The following IFT81 variants were observed in gnomAD, a reference collection of about 807,000 sequenced individuals.
The protein encoded by IFT81 is intraflagellar transport 81.
IFT81 carries 72 observed loss-of-function variants against 102.6 expected under a neutral mutation model. The observed-to-expected ratio is 0.70, with a 90% CI of 0.58 to 0.85. The LOEUF is 0.85. Ranked by LOEUF, IFT81 falls within the 40% of genes least tolerant of loss-of-function variation. IFT81 has a pLI of 0.00. For missense variants in IFT81, 723 were observed against 787.3 expected, an observed-to-expected ratio of 0.92 and a Z score of 0.98; for synonymous variants, 237 against 242.7, an observed-to-expected ratio of 0.98 and a Z score of 0.22.
chr12:110,179,450 G>T (rs573959541), intron 11 of IFT81, among the ~76,000 whole-genome samples: 21 of 151,720 alleles, frequency 1.4e-4, no homozygotes, highest in African/African-American at 4.3e-4. Context: ...GGCCAGGCAC[G>T]GTGACTCATG....
intron 10 of IFT81, among the ~76,000 whole-genome samples, chr12:110,158,627 T>A (rs961390897): frequency 6.6e-6 from 1 of 152,062 alleles, no homozygotes. Flanking sequence ...TCTCGCTCTT[T>A]CGCCCAGGCC....
In IFT81 at chr12:110,163,214, A is replaced by G. The variant is rs372598713; in HGVS notation, c.1188+149A>G. On this transcript the variant is annotated intron_variant, in intron 11 of 18. Coordinates refer to ENST00000242591, the MANE Select transcript of IFT81 (RefSeq NM_014055.4). Reference sequence around the variant, plus strand: ...TTTAAAACTGAAGAGTCTTTTTGCAATAATACTGAGATTATTTTTTTCTTT... The same window carrying G: ...TTTAAAACTGAAGAGTCTTTTTGCAGTAATACTGAGATTATTTTTTTCTTT... The G allele has an allele frequency of 2.9e-4, 175 of 599,134 alleles. No individual in the cohort carries two copies. The African/African-American group carries it at 3.1e-3, about 11-fold the overall frequency. The allele number at this position is 599,134 out of a possible 1,614,324, so 37.1% of individuals were successfully genotyped here.
At position 110,155,414 on chromosome 12, in the gene IFT81, G is replaced by A. The variant is rs1017591638; in HGVS notation, c.1042-7505G>A. ...CAACCTCCACTTCCCTAGTTCAAGC[G>A]ATTCTCCTGCCTCAGCCTCCCGAGT... is the stretch of plus-strand genomic sequence containing the variant. On this transcript the variant is annotated intron_variant, in intron 10 of 18. Transcript: ENST00000242591. 5.9e-5 allele frequency among the ~76,000 whole-genome samples: 9 copies of A among 151,866 alleles called. 1 individual carries two copies. The highest frequency in any genetic ancestry group is 5.2e-4 in the Admixed American group (8 of 15,288).
At chr12:110,169,049 C>CTTCCTTCCTTCT (rs1313363425) in intron 11 of IFT81, 2 of 146,446 alleles carry the variant, frequency 1.4e-5, no homozygotes, top group African/African-American at 5.2e-5. Flanking sequence ...TCCTTCCTTC[C>CTTCCTTCCTTCT]TTCCTTCCTT....
chr12:110,192,269 T>A (rs1897831884), intron 13 of IFT81, among the ~76,000 whole-genome samples: 1 of 152,180 alleles, frequency 6.6e-6, no homozygotes, highest in Non-Finnish European at 1.5e-5. Context: ...ATTTTGAATA[T>A]CACTCCATCT....
chr12:110,148,132 T>C (rs1895326991), intron 10 of IFT81, among the ~76,000 whole-genome samples: 1 of 152,202 alleles, frequency 6.6e-6, no homozygotes, highest in Non-Finnish European at 1.5e-5. Context: ...GATTTATCTA[T>C]TTAGTGCTTT....
At chr12:110,184,645 A>G (rs1428668833) in intron 12 of IFT81, among the ~76,000 whole-genome samples, 2 of 152,230 alleles carry the variant, frequency 1.3e-5, no homozygotes, top group African/African-American at 4.8e-5. Context: ...AGGCTCTGAT[A>G]CAGGTCTGAC....
intron 11 of IFT81, chr12:110,168,252 G>C (rs1371317236): frequency 6.6e-6 from 1 of 152,360 alleles, no homozygotes; most frequent in Non-Finnish European, 1.5e-5. Flanking sequence ...GTAAGTAGTA[G>C]AACCAGGAGT....
intron 10 of IFT81, among the ~76,000 whole-genome samples, chr12:110,159,240 G>T (rs990297458): frequency 1.3e-5 from 2 of 152,184 alleles, no homozygotes; most frequent in African/African-American, 2.4e-5. Context: ...AGACCAAGAT[G>T]TGTGGTTGAG....
intron 8 of IFT81, among the ~76,000 whole-genome samples, chr12:110,141,729 A>C (rs2137350778): frequency 6.6e-6 from 1 of 152,218 alleles, no homozygotes; most frequent in East Asian, 1.9e-4. Flanking sequence ...TAAAAATACA[A>C]AAAATTAGCC....
At chr12:110,135,474 A>G in intron 7 of IFT81, 37 bp downstream of exon 7, 1 of 1,193,654 alleles carries the variant, frequency 8.4e-7, no homozygotes, top group Non-Finnish European at 1.2e-6. Flanking sequence ...AGTATGAAGG[A>G]AATAGTTCCT....
intron 17 of IFT81, among the ~76,000 whole-genome samples, chr12:110,206,588 T>C (rs1868659344): frequency 6.6e-6 from 1 of 151,182 alleles, no homozygotes; most frequent in South Asian, 2.1e-4. Context: ...GGCGTGGGAA[T>C]CGCTTGAACC....
At chr12:110,155,608 G>A (rs112177240) in intron 10 of IFT81, among the ~76,000 whole-genome samples, 93 of 152,166 alleles carry the variant, frequency 6.1e-4, no homozygotes, top group African/African-American at 2.0e-3. Flanking sequence ...CACCGCGCCC[G>A]GCCTGGATCA....
intron 14 of IFT81, among the ~76,000 whole-genome samples, chr12:110,200,499 A>C (rs1179003960): frequency 6.6e-6 from 1 of 152,150 alleles, no homozygotes; most frequent in African/African-American, 2.4e-5. Flanking sequence ...GCAGGACTGG[A>C]AGTTTCTCCG....
At position 110,202,393 on chromosome 12, in the gene IFT81, A is replaced by G. The variant is rs191420637; in HGVS notation, c.1558-1471A>G. On this transcript the variant is annotated intron_variant, in intron 14 of 18. Transcript: ENST00000242591. ...AACAACTTAAAGAAAACAAAATTTAAATTTCCTCCCTGCCCCCTTGCAATA... is the reference window on the plus strand; with the variant it reads ...AACAACTTAAAGAAAACAAAATTTAGATTTCCTCCCTGCCCCCTTGCAATA... Among the ~76,000 whole-genome samples the G allele has an allele frequency of 5.0e-4, 76 of 152,288 alleles. 1 individual carries two copies. In the East Asian group the frequency reaches 0.012, roughly 24 times the overall value.
chr12:110,206,822 A>G (rs1868693701), intron 17 of IFT81, among the ~76,000 whole-genome samples: 1 of 152,200 alleles, frequency 6.6e-6, no homozygotes, highest in Non-Finnish European at 1.5e-5. Flanking sequence ...TAAACTAAAA[A>G]TGTACTTATT....
In IFT81 at chr12:110,129,066, T is replaced by A. The variant is rs369361064; in HGVS notation, c.365T>A (p.Leu122Ter). 9 of 1,606,874 alleles carry A rather than the reference T, an allele frequency of 5.6e-6. No individual in the cohort carries two copies. Among genetic ancestry groups the A allele is most frequent in the African/African-American group, 5.4e-5 (4 of 74,422 alleles). ...AAAAGAGCATATTTAGCTCGTTTTTTAATAAAACTTGAGGTACCAAGTGAG... is the reference window on the plus strand; with the variant it reads ...AAAAGAGCATATTTAGCTCGTTTTTAAATAAAACTTGAGGTACCAAGTGAG... ...LKKRAYLARFLIKLEVPSEFL... is the reference protein window; with the variant it reads ...LKKRAYLARF The change falls in exon 4 of 19, where the codon TTA becomes TAA. Residue 122 changes from leucine to a stop codon, truncating the protein, a stop_gained. Coordinates refer to ENST00000242591, the MANE Select transcript of IFT81 (RefSeq NM_014055.4). LOFTEE classifies it high-confidence loss of function.
chr12:110,138,354 AAG>A (rs1894636303), intron 8 of IFT81, among the ~76,000 whole-genome samples: 1 of 152,236 alleles, frequency 6.6e-6, no homozygotes, highest in Non-Finnish European at 1.5e-5. Context: ...AAATAACAAA[AAG>A]TACTTTTAGT....
intron 11 of IFT81, among the ~76,000 whole-genome samples, chr12:110,170,483 A>G (rs888911162): frequency 1.3e-5 from 2 of 152,210 alleles, no homozygotes; most frequent in African/African-American, 4.8e-5. Flanking sequence ...AAGTAGTGCC[A>G]GTAGCTAGTG....
Sources: gnomAD v4.1 joint callset for allele counts (sites outside exome capture counted in the v4.1 genomes callset) on GRCh38, gnomAD v4.1.1 for gene constraint, MANE v1.5 for transcripts, NCBI Gene and HGNC (gene_info 2026-07-23, HGNC 2026-07-21) for gene names.